Variants in PSEN2 observed in about 807,000 individuals in gnomAD.
PSEN2 encodes the protein presenilin 2, also known as presenilin-2.
A neutral mutation model predicts 49.1 loss-of-function variants in PSEN2; 32 were observed. The observed-to-expected ratio is 0.65, with a 90% CI of 0.49 to 0.88. The LOEUF (loss-of-function observed/expected upper bound fraction) is 0.88. PSEN2 is among the 40% of genes least tolerant of loss of function. The pLI is 0.00. For synonymous variants in PSEN2, 255 were observed against 244.0 expected, an observed-to-expected ratio of 1.05 and a Z score of -0.42; for missense variants, 522 against 586.9, an observed-to-expected ratio of 0.89 and a Z score of 1.14.
intron 6 of PSEN2, among the ~76,000 whole-genome samples, chr1:226,886,011 T>G (rs1794038): frequency 0.52 from 74,748 of 144,788 alleles, 16,954 homozygotes; most frequent in African/African-American, 0.61. Flanking sequence ...GACTACAGGT[T>G]TGCACCACCA....
chr1:226,894,287 A>G (rs1046193229), intron 12 of PSEN2, among the ~76,000 whole-genome samples, 162 bp downstream of exon 12: 17 of 152,204 alleles, frequency 1.1e-4, no homozygotes, highest in African/African-American at 4.1e-4. Context: ...CTTGAGACCA[A>G]GGCTCACAGG....
intron 3 of PSEN2, among the ~76,000 whole-genome samples, chr1:226,878,346 AC>A (rs1660764638): frequency 6.6e-6 from 1 of 152,080 alleles, no homozygotes; most frequent in South Asian, 2.1e-4. Context: ...AGGCATGAGC[AC>A]CGCACCCAGC....
intron 8 of PSEN2, among the ~76,000 whole-genome samples, chr1:226,889,522 G>A (rs903032516): frequency 6.6e-6 from 1 of 152,062 alleles, no homozygotes; most frequent in Non-Finnish European, 1.5e-5. Flanking sequence ...TGATCGGCCC[G>A]CCTCAGCCTC....
chr1:226,888,445 CA>C (rs1219754226), intron 7 of PSEN2, among the ~76,000 whole-genome samples: 1 of 152,210 alleles, frequency 6.6e-6, no homozygotes, highest in Non-Finnish European at 1.5e-5. Context: ...AGAAACCCCC[CA>C]AAATTTACAT....
At position 226,895,490 on chromosome 1, in the gene PSEN2, A is replaced by C; in HGVS notation, c.1258A>C (p.Ile420Leu). Residue 420 changes from isoleucine to leucine, a missense_variant, in exon 13 of 13, where the codon ATC becomes CTC. By Grantham distance (5) the Ile-to-Leu change is conservative. Coordinates refer to ENST00000366783, the MANE Select transcript of PSEN2 (RefSeq NM_000447.3). ...KKALPALPIS[I>L]TFGLIFYFST... ...GGCGCTGCCCGCCCTCCCCATCTCC[A>C]TCACGTTCGGGCTCATCTTTTACTT... is the stretch of plus-strand genomic sequence containing the variant. The C allele has an allele frequency of 8.7e-6, 14 of 1,613,746 alleles. No individual in the cohort carries two copies. Among genetic ancestry groups the C allele is most frequent in the Non-Finnish European group, 1.2e-5 (14 of 1,179,918 alleles).
chr1:226,896,352 G>C (rs56736839), downstream of PSEN2, among the ~76,000 whole-genome samples: 2 of 152,244 alleles, frequency 1.3e-5, no homozygotes, highest in Admixed American at 1.3e-4. Context: ...CCTGGACTCA[G>C]TTGTGCACGG....
At chr1:226,891,984 A>G in intron 11 of PSEN2, 140 bp downstream of exon 11, 2 of 733,018 alleles carry the variant, frequency 2.7e-6, no homozygotes, top group East Asian at 2.7e-5. Flanking sequence ...CTGTGAAAGT[A>G]GAAGATGCCT....
intron 10 of PSEN2, 120 bp downstream of exon 10, chr1:226,891,481 G>A: frequency 1.1e-6 from 1 of 948,506 alleles, no homozygotes; most frequent in Non-Finnish European, 1.6e-6. Flanking sequence ...AGAGGGAAAG[G>A]TCCGTTGAAA....
chr1:226,888,192 G>A (rs1434853708), intron 7 of PSEN2, 34 bp downstream of exon 7: 2 of 1,564,496 alleles, frequency 1.3e-6, no homozygotes, highest in African/African-American at 1.4e-5. Flanking sequence ...GTCCCTGGGA[G>A]CCCCTCTCCA....
chr1:226,886,436 G>T (rs1661370190), intron 6 of PSEN2, among the ~76,000 whole-genome samples: 1 of 152,184 alleles, frequency 6.6e-6, no homozygotes, highest in South Asian at 2.1e-4. Flanking sequence ...GTAGCCCCAG[G>T]GAGTAGTGGA....
chr1:226,878,838 G>A (rs1349894502), intron 3 of PSEN2, among the ~76,000 whole-genome samples: 1 of 152,180 alleles, frequency 6.6e-6, no homozygotes, highest in Non-Finnish European at 1.5e-5. Context: ...CACTGCTGCA[G>A]ATGGAATATT....
At chr1:226,878,472 TC>T (rs1308337745) in intron 3 of PSEN2, among the ~76,000 whole-genome samples, 1 of 152,158 alleles carries the variant, frequency 6.6e-6, no homozygotes, top group African/African-American at 2.4e-5. Context: ...ACCCATCAGC[TC>T]CCTTTCTCCT....
At chr1:226,884,378 T>G (rs896274659) in intron 5 of PSEN2, among the ~76,000 whole-genome samples, 1 of 152,190 alleles carries the variant, frequency 6.6e-6, no homozygotes, top group Admixed American at 6.5e-5. Context: ...GGACCAGATA[T>G]TTCTCAGCTC....
intron 5 of PSEN2, among the ~76,000 whole-genome samples, chr1:226,884,989 G>A (rs1214625836): frequency 6.6e-6 from 1 of 152,166 alleles, no homozygotes; most frequent in African/African-American, 2.4e-5. Context: ...ATTCAGCGCA[G>A]AACAGGTGAA....
chr1:226,877,934 C>G (rs1034686817), intron 3 of PSEN2, among the ~76,000 whole-genome samples: 1 of 152,168 alleles, frequency 6.6e-6, no homozygotes, highest in Non-Finnish European at 1.5e-5. Flanking sequence ...AGGTCACTGT[C>G]TAGACCAGGT....
At position 226,895,694 on chromosome 1, in the gene PSEN2, A is replaced by T. The variant is rs926478945; in HGVS notation, c.*115A>T. 7 of 1,309,026 alleles carry T rather than the reference A, an allele frequency of 5.3e-6. No individual in the cohort carries two copies. In the East Asian group the frequency reaches 1.8e-4, roughly 33 times the overall value. 81.1% of individuals were successfully genotyped at this position (1,309,026 alleles called of 1,614,324 possible). A position where few individuals can be genotyped will look rare whatever the true frequency, so the allele number is the denominator to read the frequency against. On this transcript the variant is annotated 3_prime_UTR_variant, in exon 13 of 13. Coordinates refer to ENST00000366783, the MANE Select transcript of PSEN2 (RefSeq NM_000447.3). ...AGACTTTTCTTTCCTTAAAAAATAA[A>T]GTACGTGTTTACTTGGTGAGGAGGA... is the stretch of plus-strand genomic sequence containing the variant.
At chr1:226,885,133 G>T (rs1317393522) in intron 5 of PSEN2, among the ~76,000 whole-genome samples, 1 of 152,040 alleles carries the variant, frequency 6.6e-6, no homozygotes, top group Non-Finnish European at 1.5e-5. Context: ...TCAGCGGATG[G>T]GGGTCGGGTA....
At chr1:226,882,749 A>G (rs1436699777) in intron 4 of PSEN2, among the ~76,000 whole-genome samples, 2 of 152,148 alleles carry the variant, frequency 1.3e-5, no homozygotes, top group Non-Finnish European at 2.9e-5. Flanking sequence ...GAACGGAACC[A>G]TCGTCCCTAA....
intron 12 of PSEN2, among the ~76,000 whole-genome samples, chr1:226,902,691 A>G (rs569935936): frequency 2.2e-4 from 33 of 152,276 alleles, no homozygotes; most frequent in South Asian, 6.2e-4. Context: ...GAGGCCTGCA[A>G]TGGAATGGGG....
Sources: allele counts gnomAD v4.1 joint callset (sites outside exome capture counted in the v4.1 genomes callset), GRCh38; gene constraint gnomAD v4.1.1; transcripts MANE v1.5; gene names NCBI Gene and HGNC (gene_info 2026-07-23, HGNC 2026-07-21).